The following GRHL1 variants were observed in gnomAD, a reference collection of about 807,000 sequenced individuals.
The protein encoded by GRHL1 is grainyhead like transcription factor 1, also known as grainyhead-like protein 1 homolog.
Under a neutral mutation model 75.7 loss-of-function variants are expected in GRHL1, and 38 were observed. The ratio of observed to expected loss-of-function variants is 0.50; its 90% CI spans 0.39 to 0.66. The LOEUF (loss-of-function observed/expected upper bound fraction) is 0.66, where lower values mean the gene tolerates loss of function less well. Among genes scored for constraint, GRHL1 ranks in the 30% least tolerant of loss-of-function variants. The pLI is 0.00. For synonymous variants in GRHL1, 266 were observed against 279.4 expected (o/e 0.95, Z 0.48); for missense variants, 589 against 767.5 (o/e 0.77, Z 2.75).
At chr2:9,975,763 G>A (rs1413943902) in intron 8 of GRHL1, among the ~76,000 whole-genome samples, 2 of 151,942 alleles carry the variant, frequency 1.3e-5, no homozygotes, top group African/African-American at 4.8e-5. Flanking sequence ...ATGCGTGCCT[G>A]TAATCTCAGC....
At chr2:9,991,304 G>A (rs190400644) in intron 10 of GRHL1, among the ~76,000 whole-genome samples, 2 of 152,106 alleles carry the variant, frequency 1.3e-5, no homozygotes, top group East Asian at 3.9e-4. Context: ...GTGCTGTTCT[G>A]TGCCTGTAGG....
chr2:9,958,174 CTTTTTTTTT>C (rs61051898), intron 2 of GRHL1, among the ~76,000 whole-genome samples: 1 of 130,762 alleles, frequency 7.6e-6, no homozygotes, highest in Non-Finnish European at 1.6e-5. Context: ...TTCTTTTTTT[CTTTTTTTTT>C]TTTTTTTTGA....
chr2:9,969,889 C>T (rs902621511), intron 8 of GRHL1, among the ~76,000 whole-genome samples: 3 of 142,774 alleles, frequency 2.1e-5, no homozygotes, highest in African/African-American at 8.0e-5. Context: ...TTCGCCCAGG[C>T]TGGACTGCAG....
intron 8 of GRHL1, 106 bp from the exon 9 acceptor site, chr2:9,986,018 C>T: frequency 1.3e-6 from 1 of 746,678 alleles, no homozygotes; most frequent in Non-Finnish European, 2.1e-6. Context: ...CTGAGCTTCT[C>T]ATTTAAAATA....
intron 8 of GRHL1, among the ~76,000 whole-genome samples, chr2:9,969,323 C>T (rs1029522108): frequency 6.6e-6 from 1 of 152,184 alleles, no homozygotes; most frequent in African/African-American, 2.4e-5. Flanking sequence ...GGCATGGCTG[C>T]CTGCCCAGCA....
At chr2:9,988,220 A>G (rs774009572) in intron 9 of GRHL1, among the ~76,000 whole-genome samples, 48 of 152,306 alleles carry the variant, frequency 3.2e-4, no homozygotes, top group Non-Finnish European at 6.0e-4. Flanking sequence ...TCTTATGTCT[A>G]TGATTTGCTA....
rs1263789554 is a variant in GRHL1, at chr2:9,951,740, C to G, written c.-94C>G. The G allele has an allele frequency of 2.4e-6, 3 of 1,229,212 alleles. No individual in the cohort carries two copies. Among genetic ancestry groups the G allele is most frequent in the Admixed American group, 5.0e-5 (2 of 39,754 alleles). The allele number at this position is 1,229,212 out of a possible 1,614,324, so 76.1% of individuals were successfully genotyped here. A position where few individuals can be genotyped will look rare whatever the true frequency, so the allele number is the denominator to read the frequency against. On this transcript the variant is annotated 5_prime_UTR_variant, in exon 1 of 16. Coordinates refer to ENST00000324907, the MANE Select transcript of GRHL1 (RefSeq NM_198182.3). This position sits in a 1 kb window ranked among gnomAD's most constrained non-coding sequence, Gnocchi z 4.2. ...CCCGTCGGGGCCGCCGCTCCGGACCCGCAGCCGCCGCCGCCGCCTCCTCCC... is the reference window on the plus strand; with the variant it reads ...CCCGTCGGGGCCGCCGCTCCGGACCGGCAGCCGCCGCCGCCGCCTCCTCCC...
At chr2:9,960,037 A>C (rs1414597777) in intron 3 of GRHL1, 1 of 152,198 alleles carries the variant, frequency 6.6e-6, no homozygotes, top group Non-Finnish European at 1.5e-5. Flanking sequence ...CATTTTACCC[A>C]CTGGAAATCA....
Position 9,992,203 on chromosome 2 carries a change from A to G in GRHL1, c.1461+57A>G. 3 of 1,540,418 alleles carry G rather than the reference A, an allele frequency of 1.9e-6. No homozygotes were observed. Among genetic ancestry groups the G allele is most frequent in the Admixed American group, 1.8e-5 (1 of 55,442 alleles). On this transcript the variant is annotated intron_variant, in intron 11 of 15. Coordinates refer to ENST00000324907, the MANE Select transcript of GRHL1 (RefSeq NM_198182.3). This position sits in a 1 kb window ranked among gnomAD's most constrained non-coding sequence, Gnocchi z 4.6. The stretch of plus-strand genomic sequence containing the variant: ...AGGAAGGAAGGCATGGCAAAAGGAA[A>G]TTCTTTGGCATTATTCATGGGAAAC...
chr2:9,966,472 C>G (rs1015231814), intron 8 of GRHL1: 1 of 152,068 alleles, frequency 6.6e-6, no homozygotes, highest in Non-Finnish European at 1.5e-5. Flanking sequence ...GAAGACTGAT[C>G]TTTAGTTTTC....
intron 7 of GRHL1, chr2:9,965,084 AAT>A: frequency 2.1e-6 from 1 of 476,256 alleles, no homozygotes; most frequent in East Asian, 3.1e-5. Context: ...GATTGAATTA[AAT>A]ATGTCTAAGC....
intron 2 of GRHL1, among the ~76,000 whole-genome samples, chr2:9,956,595 T>C (rs1299396235): frequency 1.3e-5 from 2 of 152,182 alleles, no homozygotes; most frequent in Admixed American, 1.3e-4. Context: ...GGCTGAGGGA[T>C]TGAGGTAAGC....
chr2:9,954,490 A>G (rs1216743339), intron 1 of GRHL1, among the ~76,000 whole-genome samples: 1 of 152,172 alleles, frequency 6.6e-6, no homozygotes, highest in Admixed American at 6.5e-5. Context: ...AGAGGGAATA[A>G]CATGTAGCAG....
At chr2:9,983,138 C>T (rs1668269014) in intron 8 of GRHL1, among the ~76,000 whole-genome samples, 1 of 152,158 alleles carries the variant, frequency 6.6e-6, no homozygotes, top group Non-Finnish European at 1.5e-5. Context: ...TGTGTTCTTA[C>T]CTGGGATCCT....
At chr2:9,959,869 C>A (rs114663437) in intron 3 of GRHL1, 3 of 152,266 alleles carry the variant, frequency 2.0e-5, no homozygotes, top group South Asian at 4.2e-4. Flanking sequence ...TAAGGAACAA[C>A]TTTCTAGACT....
In GRHL1 at chr2:9,958,762, T is replaced by A. The variant is rs371761133; in HGVS notation, c.208-24T>A. On this transcript the variant is annotated intron_variant, in intron 2 of 15. Transcript: ENST00000324907. ...GCACTTCACTGGATAAGAGCTAAAT[T>A]CTTTTCATGTGTGCTAATATCAGGT... is the stretch of plus-strand genomic sequence containing the variant. The A allele has an allele frequency of 4.8e-5, 77 of 1,594,160 alleles. No homozygotes were observed. In the African/African-American group the frequency reaches 9.1e-4, roughly 19 times the overall value.
chr2:9,999,948 G>A (rs1669200635), intron 15 of GRHL1, among the ~76,000 whole-genome samples: 1 of 152,190 alleles, frequency 6.6e-6, no homozygotes, highest in African/African-American at 2.4e-5. Context: ...TCAGGGGGCT[G>A]TGACTTCACA....
intron 8 of GRHL1, among the ~76,000 whole-genome samples, chr2:9,976,020 G>A (rs1351890661): frequency 6.6e-6 from 1 of 152,172 alleles, no homozygotes; most frequent in Non-Finnish European, 1.5e-5. Context: ...GTGTTTTTGA[G>A]GGTCAAAGAA....
At chr2:9,960,695 A>G (rs920604108) in intron 3 of GRHL1, 6 of 189,880 alleles carry the variant, frequency 3.2e-5, no homozygotes, top group East Asian at 1.3e-4. Flanking sequence ...AACCCAGGCA[A>G]TTTGACCCTG....
Sources: allele counts gnomAD v4.1 joint callset (sites outside exome capture counted in the v4.1 genomes callset), GRCh38; gene constraint gnomAD v4.1.1; non-coding constraint Gnocchi (gnomAD v3.1); transcripts MANE v1.5; gene names NCBI Gene and HGNC (gene_info 2026-07-23, HGNC 2026-07-21).